The following SLC2A7 variants were observed in gnomAD, a reference collection of about 807,000 sequenced individuals.
SLC2A7 encodes the protein solute carrier family 2, facilitated glucose transporter member 7.
Under a neutral mutation model 50.5 loss-of-function variants are expected in SLC2A7, and 50 were observed. That is an observed-to-expected ratio of 0.99 (90% confidence interval 0.79 to 1.25). SLC2A7 has a LOEUF of 1.25. Among genes scored for constraint, SLC2A7 ranks in the 50% most tolerant of loss-of-function variants. The pLI, the probability that SLC2A7 is intolerant of heterozygous loss-of-function variation, is 0.00. For missense variants in SLC2A7, 683 were observed against 679.1 expected (o/e 1.01, Z -0.06); for synonymous variants, 308 against 300.4 (o/e 1.03, Z -0.26).
At position 9,008,300 on chromosome 1, in the gene SLC2A7, C is replaced by A. The variant is rs1316547310; in HGVS notation, c.1117-915G>T. Among the ~76,000 whole-genome samples, 1 of 152,072 alleles carries A rather than the reference C, an allele frequency of 6.6e-6. No homozygotes were observed. The highest frequency in any genetic ancestry group is 1.5e-5 in the Non-Finnish European group (1 of 68,016). On this transcript the variant is annotated intron_variant, in intron 9 of 11. Transcript: ENST00000400906. The surrounding 1 kb of genome is among the most constrained non-coding windows in gnomAD (Gnocchi z 5.9). ...CACTGGGAGCTTCCAAGCAGAGAAG[C>A]AACAAGATCTGATTCATTTTCAACA...
At chr1:9,021,726 C>G (rs1168581144) in intron 3 of SLC2A7, among the ~76,000 whole-genome samples, 1 of 152,188 alleles carries the variant, frequency 6.6e-6, no homozygotes, top group East Asian at 1.9e-4. Flanking sequence ...AAAGACTAAG[C>G]AGCCCCGACA....
chr1:8,994,134 C>A, the SLC2A7 span, among the ~76,000 whole-genome samples: 57 of 152,362 alleles, frequency 3.7e-4, no homozygotes, highest in African/African-American at 1.3e-3. Context: ...CTCCTGTAAG[C>A]TGCCTAACCT....
At chr1:9,004,020 GA>G (rs34900310) in intron 11 of SLC2A7, among the ~76,000 whole-genome samples, 9,285 of 131,056 alleles carry the variant, frequency 0.071, 408 homozygotes, top group African/African-American at 0.14. Flanking sequence ...TTGTTTGCAG[GA>G]AAAAAAAAAA....
chr1:9,008,738 A>G lies in SLC2A7; in HGVS notation c.1117-1353T>C, dbSNP rs1303977457. 1.3e-5 allele frequency among the ~76,000 whole-genome samples: 2 copies of G among 151,944 alleles called. No individual in the cohort carries two copies. Among genetic ancestry groups the G allele is most frequent in the Admixed American group, 6.6e-5 (1 of 15,248 alleles). On this transcript the variant is annotated intron_variant, in intron 9 of 11. Coordinates refer to ENST00000400906, the MANE Select transcript of SLC2A7 (RefSeq NM_207420.3). This position sits in a 1 kb window ranked among gnomAD's most constrained non-coding sequence, Gnocchi z 5.9. ...CAGCCTCCCGAGTAACTGGGATTAC[A>G]GGCACACGCCACCACACCCGACTAA...
chr1:9,009,956 G>A (rs908237286), intron 9 of SLC2A7, among the ~76,000 whole-genome samples, 187 bp downstream of exon 9: 8 of 152,266 alleles, frequency 5.3e-5, no homozygotes, highest in Admixed American at 2.6e-4. Context: ...ATGTGCAGGT[G>A]TAGGTAAATG....
the SLC2A7 span, among the ~76,000 whole-genome samples, chr1:8,995,049 G>C: frequency 4.0e-5 from 6 of 150,236 alleles, no homozygotes; most frequent in Admixed American, 1.3e-4. Flanking sequence ...GGGATTACAC[G>C]TGTGAGCCAC....
chr1:8,999,236 T>G (rs777807427), downstream of SLC2A7, among the ~76,000 whole-genome samples: 1 of 152,214 alleles, frequency 6.6e-6, no homozygotes, highest in East Asian at 1.9e-4. Flanking sequence ...GGTCTCGAAC[T>G]CCTGACCTCA....
rs563784708 is a variant in SLC2A7 at position 9,022,946 on chromosome 1, C to A, written c.283G>T (p.Val95Leu). Reference sequence around the variant, plus strand: ...CCGCAGCTATCAACCAGCAGGCCCACGAGCAATGACCCCAACAGGCCGCCC... The same window carrying A: ...CCGCAGCTATCAACCAGCAGGCCCAAGAGCAATGACCCCAACAGGCCGCCC... ...PLGGLLGSLL[V>L]GLLVDSCGRK... Residue 95 changes from valine to leucine, a missense_variant, in exon 3 of 12, where the codon GTG (valine) becomes TTG (leucine). Coordinates refer to ENST00000400906, the MANE Select transcript of SLC2A7 (RefSeq NM_207420.3). The A allele has an allele frequency of 2.5e-6, 4 of 1,613,938 alleles. No individual in the cohort carries two copies. The highest frequency in any genetic ancestry group is 1.3e-5 in the African/African-American group (1 of 74,912).
intron 10 of SLC2A7, 89 bp downstream of exon 10, chr1:9,007,221 C>T (rs747098951): frequency 2.1e-6 from 3 of 1,463,146 alleles, no homozygotes; most frequent in African/African-American, 2.8e-5. Context: ...CGTCCATTCA[C>T]TCAGCAAATA....
chr1:9,004,912 A>G, intron 10 of SLC2A7, 33 bp from the exon 11 acceptor site: 3 of 1,604,260 alleles, frequency 1.9e-6, no homozygotes, highest in Non-Finnish European at 2.6e-6. Flanking sequence ...TGGGGCGGAG[A>G]AGGACCCAGG....
intron 1 of SLC2A7, among the ~76,000 whole-genome samples, chr1:9,025,407 G>A (rs1374287811): frequency 6.6e-6 from 1 of 152,216 alleles, no homozygotes; most frequent in African/African-American, 2.4e-5. Context: ...TCTAGTGAGG[G>A]GAGCCCACCC....
intron 7 of SLC2A7, among the ~76,000 whole-genome samples, chr1:9,014,233 C>T (rs952801954): frequency 7.9e-5 from 12 of 152,358 alleles, no homozygotes; most frequent in Non-Finnish European, 1.5e-5. Context: ...CAGATCTCCA[C>T]CCTTCCCTCA....
chr1:9,015,792 T>C (rs1640821717), intron 5 of SLC2A7, among the ~76,000 whole-genome samples: 1 of 150,574 alleles, frequency 6.6e-6, no homozygotes, highest in African/African-American at 2.4e-5. Flanking sequence ...GGTGCGATCA[T>C]AGCCCACTGC....
At chr1:9,003,919 C>A (rs563666041) in intron 11 of SLC2A7, among the ~76,000 whole-genome samples, 1 of 151,880 alleles carries the variant, frequency 6.6e-6, no homozygotes, top group East Asian at 1.9e-4. Context: ...CTGGTCGAGG[C>A]CTTTGTGAGT....
downstream of SLC2A7, among the ~76,000 whole-genome samples, chr1:8,998,841 T>C (rs2124227054): frequency 6.6e-6 from 1 of 152,322 alleles, no homozygotes; most frequent in Non-Finnish European, 1.5e-5. Flanking sequence ...GGAGTCTGCT[T>C]GCTAAAATAT....
downstream of SLC2A7, among the ~76,000 whole-genome samples, chr1:8,998,150 TC>T (rs1296863334): frequency 1.3e-5 from 2 of 152,178 alleles, no homozygotes; most frequent in African/African-American, 4.8e-5. Flanking sequence ...ACACCTGTAA[TC>T]CCAGCACTTT....
rs370934872 is a variant in SLC2A7 at position 9,014,890 on chromosome 1, G to A, written c.716-22C>T. ...AGAGCTGCGGAAAGCAGAACCACCC[G>A]CTCAGAGGGCCGTCTCCCTGCAGGC... On this transcript the variant is annotated intron_variant, in intron 6 of 11. Transcript: ENST00000400906. 1.0e-4 allele frequency: 162 copies of A among 1,565,540 alleles called. No homozygotes were observed. In the African/African-American group the frequency reaches 1.5e-3, roughly 15 times the overall value.
At chr1:9,022,597 C>T (rs528229658) in intron 3 of SLC2A7, among the ~76,000 whole-genome samples, 7 of 152,228 alleles carry the variant, frequency 4.6e-5, no homozygotes, top group East Asian at 3.9e-4. Flanking sequence ...ACCTGATAAA[C>T]GAGCATTTAC....
intron 10 of SLC2A7, among the ~76,000 whole-genome samples, chr1:9,007,103 G>A (rs1484783999): frequency 6.6e-6 from 1 of 152,226 alleles, no homozygotes; most frequent in Admixed American, 6.5e-5. Context: ...ATGATCAGTG[G>A]GGCGCTGGCC....
Sources: allele counts gnomAD v4.1 joint callset (sites outside exome capture counted in the v4.1 genomes callset), GRCh38; gene constraint gnomAD v4.1.1; non-coding constraint Gnocchi (gnomAD v3.1); transcripts MANE v1.5; gene names NCBI Gene and HGNC (gene_info 2026-07-23, HGNC 2026-07-21).